The following SYT16 variants were observed in gnomAD, a reference collection of about 807,000 sequenced individuals.
SYT16 encodes the protein synaptotagmin-16.
In SYT16, 42 loss-of-function variants were observed where a neutral mutation model predicts 61.4. The observed-to-expected ratio is 0.68, with a 90% CI of 0.53 to 0.89. The LOEUF is 0.89. Among genes scored for constraint, SYT16 ranks in the 40% least tolerant of loss-of-function variants. SYT16 has a pLI of 0.00. For synonymous variants in SYT16, 314 were observed against 302.3 expected, an observed-to-expected ratio of 1.04 and a Z score of -0.40; for missense variants, 804 against 807.3, an observed-to-expected ratio of 1.00 and a Z score of 0.05.
At chr14:61,969,083 A>G (rs2051435542) in intron 1 of SYT16, among the ~76,000 whole-genome samples, 1 of 152,188 alleles carries the variant, frequency 6.6e-6, no homozygotes, top group African/African-American at 2.4e-5. Context: ...TCTGGATAGT[A>G]AGGTTAGGTG....
At chr14:61,855,004 G>C (rs1453168769) in intron 1 of SYT16, among the ~76,000 whole-genome samples, 1 of 151,986 alleles carries the variant, frequency 6.6e-6, no homozygotes, top group African/African-American at 2.4e-5. Context: ...CATCACACTT[G>C]CTTGTATAGG....
intron 7 of SYT16, among the ~76,000 whole-genome samples, chr14:62,091,937 G>A (rs934178928): frequency 6.6e-6 from 1 of 152,036 alleles, no homozygotes; most frequent in Non-Finnish European, 1.5e-5. Context: ...GAAAATATTT[G>A]CAAATTATAT....
At position 62,047,686 on chromosome 14, in the gene SYT16, G is replaced by A. The variant is rs190865974; in HGVS notation, c.524-21917G>A. Among the ~76,000 whole-genome samples the A allele has an allele frequency of 4.6e-5, 7 of 152,162 alleles. No homozygotes were observed. In the South Asian group the frequency reaches 1.5e-3, roughly 32 times the overall value. On this transcript the variant is annotated intron_variant, in intron 3 of 7. Coordinates refer to ENST00000683842, the MANE Select transcript of SYT16 (RefSeq NM_001367656.1). ...TTTATTGAGAGTTTTTACCATGAAG[G>A]GTTGTTAAATTTTGTCAAAGGCCTT... is the stretch of plus-strand genomic sequence containing the variant.
intron 1 of SYT16, among the ~76,000 whole-genome samples, chr14:61,898,740 G>A (rs1254442510): frequency 6.6e-6 from 1 of 152,128 alleles, no homozygotes. Context: ...ATATGACAGG[G>A]ACGGTCTCTG....
At chr14:61,926,232 A>C (rs1446059013) in intron 1 of SYT16, among the ~76,000 whole-genome samples, 1 of 116,256 alleles carries the variant, frequency 8.6e-6, no homozygotes, top group African/African-American at 3.4e-5. Flanking sequence ...AGGTTTACTC[A>C]GCCCAAATTA....
At chr14:62,069,331 A>C (rs1207352239) in intron 3 of SYT16, among the ~76,000 whole-genome samples, 2 of 152,322 alleles carry the variant, frequency 1.3e-5, no homozygotes, top group Non-Finnish European at 1.5e-5. Context: ...CTGGCTCAAC[A>C]TGAGGGTTCA....
At chr14:61,879,228 G>A (rs1430544860) in intron 1 of SYT16, among the ~76,000 whole-genome samples, 1 of 151,880 alleles carries the variant, frequency 6.6e-6, no homozygotes, top group African/African-American at 2.4e-5. Context: ...TTTTCTCTTT[G>A]GCTTCCATAA....
chr14:61,913,704 T>TTGTGTGTGTGTGTGTGTGTGTG (rs56758661), intron 1 of SYT16, among the ~76,000 whole-genome samples: 27 of 145,878 alleles, frequency 1.9e-4, no homozygotes, highest in Admixed American at 4.1e-4. Flanking sequence ...CTTTGGGTCT[T>TTGTGTGTGTGTGTGTGTGTGTG]TGTGTGTGTG....
At chr14:61,937,163 T>G (rs1435616177) in intron 1 of SYT16, among the ~76,000 whole-genome samples, 1 of 152,266 alleles carries the variant, frequency 6.6e-6, no homozygotes, top group East Asian at 1.9e-4. Context: ...CTTCAAAGTT[T>G]ACATTTGCTT....
At chr14:61,847,199 G>A (rs2046470490) in intron 1 of SYT16, among the ~76,000 whole-genome samples, 1 of 152,036 alleles carries the variant, frequency 6.6e-6, no homozygotes, top group African/African-American at 2.4e-5. Flanking sequence ...CTTCCTAATT[G>A]AAGTACTTCC....
At chr14:62,030,060 C>T (rs1179909520) in intron 3 of SYT16, among the ~76,000 whole-genome samples, 3 of 152,152 alleles carry the variant, frequency 2.0e-5, no homozygotes, top group Admixed American at 6.6e-5. Flanking sequence ...CACCACCCAT[C>T]CCTCCCACCT....
intron 1 of SYT16, among the ~76,000 whole-genome samples, chr14:61,940,959 C>T (rs1355441790): frequency 6.6e-6 from 1 of 152,170 alleles, no homozygotes; most frequent in Admixed American, 6.5e-5. Flanking sequence ...TGAAAGGCTT[C>T]CTGGGCCTTA....
At chr14:61,871,623 C>T (rs748254092) in intron 1 of SYT16, among the ~76,000 whole-genome samples, 13 of 152,194 alleles carry the variant, frequency 8.5e-5, no homozygotes, top group Non-Finnish European at 1.3e-4. Flanking sequence ...TCTTTAAAAA[C>T]CATTATTTTA....
chr14:61,976,119 C>A (rs142322159), intron 2 of SYT16, among the ~76,000 whole-genome samples: 1 of 152,358 alleles, frequency 6.6e-6, no homozygotes, highest in East Asian at 1.9e-4. Flanking sequence ...TCTTAAAGCT[C>A]TGAAATGGTT....
At chr14:62,022,572 A>G (rs539292858) in intron 3 of SYT16, among the ~76,000 whole-genome samples, 2 of 152,028 alleles carry the variant, frequency 1.3e-5, no homozygotes, top group East Asian at 1.9e-4. Flanking sequence ...ATTTCTTCAG[A>G]TATTGCTTCT....
chr14:62,087,862 C>A (rs905450228), intron 7 of SYT16, among the ~76,000 whole-genome samples: 3 of 152,148 alleles, frequency 2.0e-5, no homozygotes, highest in Non-Finnish European at 4.4e-5. Flanking sequence ...GAGAGGGCTC[C>A]TTTCTCTGAT....
intron 1 of SYT16, among the ~76,000 whole-genome samples, chr14:61,967,284 C>A (rs968111494): frequency 6.6e-6 from 1 of 152,120 alleles, no homozygotes; most frequent in Non-Finnish European, 1.5e-5. Flanking sequence ...TCATGAAGGG[C>A]CTTGTAACCT....
At chr14:62,074,781 A>C (rs1479533507) in intron 4 of SYT16, among the ~76,000 whole-genome samples, 1 of 152,142 alleles carries the variant, frequency 6.6e-6, no homozygotes, top group Non-Finnish European at 1.5e-5. Context: ...AGACCATACG[A>C]TCTCCATATT....
In SYT16 at chr14:62,093,463, G is replaced by T. The variant is rs918476837; in HGVS notation, c.1625-6931G>T. ...GATTAAGGTCTCTCTCTTTTTCCCA[G>T]TCCCTGCCTGCCCCTCTTCCTCACA... On this transcript the variant is annotated intron_variant, in intron 7 of 7. Transcript: ENST00000683842. 3.9e-5 allele frequency among the ~76,000 whole-genome samples: 6 copies of T among 151,954 alleles called. No individual in the cohort carries two copies. In the South Asian group the frequency reaches 1.2e-3, roughly 31 times the overall value.
Sources: allele counts gnomAD v4.1 joint callset (sites outside exome capture counted in the v4.1 genomes callset), GRCh38; gene constraint gnomAD v4.1.1; transcripts MANE v1.5; gene names NCBI Gene and HGNC (gene_info 2026-07-23, HGNC 2026-07-21).